MIS18A: variants seen among roughly 807,000 people sequenced by gnomAD.
The protein encoded by MIS18A is MIS18 kinetochore protein A.
MIS18A carries 14 observed loss-of-function variants against 25.0 expected under a neutral mutation model. That is an observed-to-expected ratio of 0.56 (90% CI 0.37 to 0.88). The LOEUF (loss-of-function observed/expected upper bound fraction) is 0.88. MIS18A is among the 40% of genes least tolerant of loss of function. The pLI is 0.00. For missense variants in MIS18A, 292 were observed against 290.8 expected (o/e 1.00, Z -0.03); for synonymous variants, 134 against 118.6 (o/e 1.13, Z -0.84).
the MIS18A span, among the ~76,000 whole-genome samples, chr21:32,207,857 G>T: frequency 6.6e-6 from 1 of 152,146 alleles, no homozygotes; most frequent in Non-Finnish European, 1.5e-5. Flanking sequence ...CTGGGCCCGG[G>T]GTCTACTTCA....
At chr21:32,179,875 A>G in the MIS18A span, among the ~76,000 whole-genome samples, 90,189 of 152,042 alleles carry the variant, frequency 0.59, 27,550 homozygotes, top group African/African-American at 0.74. Context: ...GAAACTCTGC[A>G]TACAATGTTC....
chr21:32,256,116 G>T, the MIS18A span, among the ~76,000 whole-genome samples: 1 of 151,804 alleles, frequency 6.6e-6, no homozygotes, highest in Non-Finnish European at 1.5e-5. Flanking sequence ...ACATTTTTTT[G>T]ATGTCTACTA....
At chr21:32,237,201 C>T in the MIS18A span, among the ~76,000 whole-genome samples, 2 of 152,168 alleles carry the variant, frequency 1.3e-5, no homozygotes, top group African/African-American at 2.4e-5. Context: ...AGCAATGTTC[C>T]AGACAGGCTG....
the MIS18A span, among the ~76,000 whole-genome samples, chr21:32,166,245 A>C: frequency 3.9e-5 from 6 of 152,236 alleles, no homozygotes; most frequent in Non-Finnish European, 8.8e-5. Context: ...ATGTAGGCAA[A>C]AATGTTAAAA....
the MIS18A span, among the ~76,000 whole-genome samples, chr21:32,198,222 C>CT: frequency 6.6e-6 from 1 of 152,172 alleles, no homozygotes; most frequent in Non-Finnish European, 1.5e-5. Context: ...GAAAGAGGGC[C>CT]TGGGAAGGGG....
At chr21:32,206,723 T>A in the MIS18A span, among the ~76,000 whole-genome samples, 1 of 152,122 alleles carries the variant, frequency 6.6e-6, no homozygotes, top group African/African-American at 2.4e-5. Flanking sequence ...GGCTCTGAAC[T>A]GCAAACAGCA....
At chr21:32,253,477 T>C in the MIS18A span, among the ~76,000 whole-genome samples, 1 of 151,004 alleles carries the variant, frequency 6.6e-6, no homozygotes, top group African/African-American at 2.4e-5. Context: ...GACTCCACTT[T>C]CAACAGCCAT....
chr21:32,231,429 C>T, the MIS18A span, among the ~76,000 whole-genome samples: 1 of 152,068 alleles, frequency 6.6e-6, no homozygotes, highest in Admixed American at 6.5e-5. Flanking sequence ...AATAAACACA[C>T]ATGAAAAGAT....
the MIS18A span, among the ~76,000 whole-genome samples, chr21:32,180,529 CA>C: frequency 6.6e-6 from 1 of 152,244 alleles, no homozygotes; most frequent in Admixed American, 6.5e-5. Context: ...TTCACTATCA[CA>C]GCTGCAATAC....
Position 32,268,829 on chromosome 21 carries a change from C to G in MIS18A, c.*208G>C. The G allele has an allele frequency of 2.6e-6, 1 of 391,792 alleles. No individual in the cohort carries two copies. 24.3% of individuals were successfully genotyped at this position (391,792 alleles called of 1,614,324 possible). A position where few individuals can be genotyped will look rare whatever the true frequency, so the allele number is the denominator to read the frequency against. ...TTGAGAGAAGGTCTCACTCTGTTGC[C>G]CAGACTAGAACACAGTAGTGGCATG... On this transcript the variant is annotated 3_prime_UTR_variant, in exon 5 of 5. Coordinates refer to ENST00000290130, the MANE Select transcript of MIS18A (RefSeq NM_018944.3).
chr21:32,266,184 T>TA (rs1311255160), downstream of MIS18A, among the ~76,000 whole-genome samples: 3 of 151,364 alleles, frequency 2.0e-5, no homozygotes, highest in Non-Finnish European at 4.4e-5. Flanking sequence ...ATCAACACTC[T>TA]ATCTAGCTGC....
At chr21:32,197,177 G>A in the MIS18A span, among the ~76,000 whole-genome samples, 3 of 152,156 alleles carry the variant, frequency 2.0e-5, no homozygotes, top group Non-Finnish European at 4.4e-5. Context: ...CCGATCCCTC[G>A]GGATAGCTTC....
At chr21:32,241,923 G>C in the MIS18A span, among the ~76,000 whole-genome samples, 1 of 152,118 alleles carries the variant, frequency 6.6e-6, no homozygotes, top group African/African-American at 2.4e-5. Context: ...CTGTCGCCCA[G>C]GCTGGAGTGC....
downstream of MIS18A, among the ~76,000 whole-genome samples, chr21:32,267,104 G>GT (rs1022481469): frequency 1.3e-5 from 2 of 152,240 alleles, no homozygotes; most frequent in African/African-American, 4.8e-5. Flanking sequence ...TCTCCTGCCA[G>GT]TGTCACCATG....
Position 32,269,046 on chromosome 21 carries a change from A to C in MIS18A, c.693T>G (p.Cys231Trp). The change falls in exon 5 of 5, where the codon TGT becomes TGG. Residue 231 changes from cysteine to tryptophan, a missense_variant. Transcript: ENST00000290130. ...GGACACAGACTAGAGTTCAGCTTTT[A>C]CAAGTGGCAAAGGACAATTTGGATT... is the stretch of plus-strand genomic sequence containing the variant. ...EAESKLSFAT[C>W]KS 6.2e-7 allele frequency: 1 copy of C among 1,600,956 alleles called. No homozygotes were observed. Among genetic ancestry groups the C allele is most frequent in the Non-Finnish European group, 8.5e-7 (1 of 1,171,686 alleles).
At chr21:32,162,389 T>C in the MIS18A span, among the ~76,000 whole-genome samples, 2 of 152,212 alleles carry the variant, frequency 1.3e-5, no homozygotes, top group East Asian at 3.9e-4. Flanking sequence ...AGTGCTCTTG[T>C]CATGCTTAGA....
At chr21:32,270,661 G>A in intron 2 of MIS18A, 132 bp from the exon 3 acceptor site, 2 of 919,802 alleles carry the variant, frequency 2.2e-6, no homozygotes, top group Admixed American at 3.9e-5. Flanking sequence ...CATACATAAA[G>A]GATAGGAAAA....
chr21:32,266,805 T>G (rs1286904688), downstream of MIS18A, among the ~76,000 whole-genome samples: 1 of 152,066 alleles, frequency 6.6e-6, no homozygotes, highest in Non-Finnish European at 1.5e-5. Context: ...ACCCACCAAT[T>G]CCGGACACAC....
chr21:32,206,437 A>C, the MIS18A span, among the ~76,000 whole-genome samples: 2 of 152,102 alleles, frequency 1.3e-5, no homozygotes, highest in Non-Finnish European at 1.5e-5. Context: ...CTCCATTGCA[A>C]GTCCTGCTTG....
Sources: allele counts gnomAD v4.1 joint callset (sites outside exome capture counted in the v4.1 genomes callset), GRCh38; gene constraint gnomAD v4.1.1; transcripts MANE v1.5; gene names NCBI Gene and HGNC (gene_info 2026-07-23, HGNC 2026-07-21).